Variants in DMTF1 observed in about 807,000 individuals in gnomAD.
DMTF1 encodes cyclin-D-binding Myb-like transcription factor 1.
DMTF1 carries 39 observed loss-of-function variants against 91.1 expected under a neutral mutation model. That is an observed-to-expected ratio of 0.43 (90% CI 0.33 to 0.56). The LOEUF is 0.56. Among genes scored for constraint, DMTF1 ranks in the 20% least tolerant of loss-of-function variants. The probability of loss-of-function intolerance (pLI) is 0.05; values close to 1 mark genes in which losing one functional copy is unlikely to be tolerated. For missense variants in DMTF1, 750 were observed against 914.5 expected, an observed-to-expected ratio of 0.82 and a Z score of 2.32; for synonymous variants, 338 against 309.5, an observed-to-expected ratio of 1.09 and a Z score of -0.97.
intron 11 of DMTF1, among the ~76,000 whole-genome samples, chr7:87,185,277 G>A (rs568334214): frequency 3.9e-5 from 6 of 152,226 alleles, no homozygotes; most frequent in African/African-American, 1.2e-4. Flanking sequence ...AAATCAAATT[G>A]TCACAACAAA....
At chr7:87,189,136 A>G (rs1799163330) in intron 13 of DMTF1, among the ~76,000 whole-genome samples, 1 of 152,144 alleles carries the variant, frequency 6.6e-6, no homozygotes, top group South Asian at 2.1e-4. Context: ...ACAGAATATT[A>G]GTAGTACATG....
intron 7 of DMTF1, 43 bp from the exon 8 acceptor site, chr7:87,179,501 AT>A (rs774260206): frequency 1.4e-6 from 2 of 1,449,636 alleles, no homozygotes; most frequent in Non-Finnish European, 1.8e-6. Flanking sequence ...ATCCATATGC[AT>A]TTTATCAGAA....
intron 1 of DMTF1, chr7:87,154,219 TC>T (rs1790085933): frequency 6.6e-6 from 1 of 152,196 alleles, no homozygotes; most frequent in Non-Finnish European, 1.5e-5. Context: ...ATTTTTTTCT[TC>T]CATACAGAAA....
intron 1 of DMTF1, among the ~76,000 whole-genome samples, chr7:87,156,995 A>G (rs1790911426): frequency 6.6e-6 from 1 of 152,170 alleles, no homozygotes; most frequent in Non-Finnish European, 1.5e-5. Context: ...AGTAAGTACA[A>G]AAAAGTGTGA....
intron 1 of DMTF1, among the ~76,000 whole-genome samples, chr7:87,159,472 T>C (rs1462603114): frequency 6.6e-6 from 1 of 152,214 alleles, no homozygotes; most frequent in Non-Finnish European, 1.5e-5. Flanking sequence ...TTTTCCTAAC[T>C]GCATTTGGAT....
intron 4 of DMTF1, among the ~76,000 whole-genome samples, chr7:87,167,340 CAA>C (rs1279395982): frequency 6.6e-6 from 1 of 152,080 alleles, no homozygotes; most frequent in Non-Finnish European, 1.5e-5. Context: ...GACAGCATAC[CAA>C]CTGCAACATT....
chr7:87,156,150 G>C (rs756463477), intron 1 of DMTF1, among the ~76,000 whole-genome samples: 1 of 152,194 alleles, frequency 6.6e-6, no homozygotes, highest in Non-Finnish European at 1.5e-5. Flanking sequence ...AATCTTTCAA[G>C]TGTGGCGAAT....
intron 1 of DMTF1, among the ~76,000 whole-genome samples, chr7:87,157,391 C>T (rs1480877070): frequency 6.6e-6 from 1 of 152,092 alleles, no homozygotes; most frequent in Non-Finnish European, 1.5e-5. Flanking sequence ...TCATGATTGC[C>T]ACTAATAGCA....
In DMTF1 at chr7:87,173,597, T is replaced by A; in HGVS notation, c.390T>A (p.Val130=). 6.2e-7 allele frequency: 1 copy of A among 1,611,548 alleles called. No individual in the cohort carries two copies. The highest frequency in any genetic ancestry group is 1.1e-5 in the South Asian group (1 of 90,898). Reference sequence around the variant, plus strand: ...TGGGTAACGAGGAAGTTTCAGCAGTTAGCCAAGCATGGTTTACAACTAAAG... The same window carrying A: ...TGGGTAACGAGGAAGTTTCAGCAGTAAGCCAAGCATGGTTTACAACTAAAG... ...SPLGNEEVSA[V]SQAWFTTKED... Residue 130 remains valine, a synonymous_variant, in exon 6 of 18, where the codon GTT becomes GTA. Transcript: ENST00000331242.
At chr7:87,170,550 T>G (rs555950331) in intron 4 of DMTF1, among the ~76,000 whole-genome samples, 167 of 152,308 alleles carry the variant, frequency 1.1e-3, no homozygotes, top group African/African-American at 3.6e-3. Context: ...TGAAATGCTC[T>G]TCCTTGAGAT....
At chr7:87,170,086 T>TA (rs1165987172) in intron 4 of DMTF1, among the ~76,000 whole-genome samples, 73 of 152,314 alleles carry the variant, frequency 4.8e-4, no homozygotes, top group African/African-American at 1.7e-3. Context: ...TCCTACTAAT[T>TA]AGTAGCAGGT....
Position 87,194,794 on chromosome 7 carries a change from T to A in DMTF1, c.2139T>A (p.Asp713Glu). 1 of 1,612,214 alleles carries A rather than the reference T, an allele frequency of 6.2e-7. No homozygotes were observed. Among genetic ancestry groups the A allele is most frequent in the Non-Finnish European group, 8.5e-7 (1 of 1,178,934 alleles). Residue 713 changes from aspartate to glutamate, a missense_variant, in exon 17 of 18, where the codon GAT (aspartate) becomes GAA (glutamate). Physicochemically the swap from Asp to Glu is conservative, Grantham distance 45 (BLOSUM62 2). Transcript: ENST00000331242. The part of the protein sequence containing the change: ...HGFIQASDVI[D>E]TESVLPLTTL... Reference sequence around the variant, plus strand: ...TTATCCAGGCATCTGATGTTATAGATACTGAATCTGTCTTGCCTTTGACAA... The same window carrying A: ...TTATCCAGGCATCTGATGTTATAGAAACTGAATCTGTCTTGCCTTTGACAA...
intron 7 of DMTF1, among the ~76,000 whole-genome samples, chr7:87,177,160 A>G (rs1796430080): frequency 6.6e-6 from 1 of 152,216 alleles, no homozygotes; most frequent in African/African-American, 2.4e-5. Context: ...TGTTTTTGAA[A>G]TTTATATAAA....
intron 12 of DMTF1, chr7:87,186,633 A>G (rs1291858287): frequency 1.3e-5 from 2 of 152,214 alleles, no homozygotes; most frequent in Non-Finnish European, 2.9e-5. Context: ...CTTTTTTTCT[A>G]TGTTTAGATA....
In DMTF1 at chr7:87,195,133, G is replaced by C. The variant is rs1172176017; in HGVS notation, c.2276G>C (p.Cys759Ser). The C allele has an allele frequency of 1.2e-6, 2 of 1,605,814 alleles. No homozygotes were observed. The highest frequency in any genetic ancestry group is 1.7e-6 in the Non-Finnish European group (2 of 1,173,418). ...AAGGATGTCGAAGATTTGGTAAACT[G>C]TCATTAGAATAATTCTTAGAAATAG... The part of the protein sequence containing the change: ...DSKDVEDLVN[C>S]H Residue 759 changes from cysteine (C) to serine (S), a missense_variant, in exon 18 of 18, where the codon TGT (cysteine) becomes TCT (serine). By Grantham distance (112) the Cys-to-Ser change is moderately radical (BLOSUM62 -1). Coordinates refer to ENST00000331242, the MANE Select transcript of DMTF1 (RefSeq NM_001142327.2).
intron 13 of DMTF1, 30 bp downstream of exon 13, chr7:87,188,331 T>C: frequency 1.2e-6 from 2 of 1,610,390 alleles, no homozygotes; most frequent in South Asian, 2.2e-5. Flanking sequence ...GATTCCTTGC[T>C]GTTTGATCTA....
chr7:87,171,103 T>G lies in DMTF1; in HGVS notation c.327+14T>G. The G allele has an allele frequency of 2.0e-6, 3 of 1,528,012 alleles. No individual in the cohort carries two copies. The highest frequency in any genetic ancestry group is 2.7e-6 in the Non-Finnish European group (3 of 1,108,118). The allele number at this position is 1,528,012 out of a possible 1,614,324, so 94.7% of individuals were successfully genotyped here. On this transcript the variant is annotated intron_variant, in intron 5 of 17. Transcript: ENST00000331242. ...ACACAGATACAGGTATAGTAAATCT[T>G]TTAACTGGCCTCAGGAGGATGATCC... is the stretch of plus-strand genomic sequence containing the variant.
At chr7:87,158,087 G>A (rs1323384578) in intron 1 of DMTF1, among the ~76,000 whole-genome samples, 1 of 151,838 alleles carries the variant, frequency 6.6e-6, no homozygotes, top group Non-Finnish European at 1.5e-5. Flanking sequence ...CAACTTTTGT[G>A]GCCCAGAAGT....
intron 1 of DMTF1, 152 bp from the exon 2 acceptor site, chr7:87,163,343 A>T (rs1176350983): frequency 1.3e-5 from 2 of 152,180 alleles, no homozygotes; most frequent in Non-Finnish European, 2.9e-5. Flanking sequence ...GCCAGTTTCC[A>T]AAAATTCTGC....
Sources: allele counts gnomAD v4.1 joint callset (sites outside exome capture counted in the v4.1 genomes callset), GRCh38; gene constraint gnomAD v4.1.1; transcripts MANE v1.5; gene names NCBI Gene and HGNC (gene_info 2026-07-23, HGNC 2026-07-21).